GP6: variants seen among roughly 807,000 people sequenced by gnomAD.
GP6 encodes the protein glycoprotein VI platelet.
Under a neutral mutation model 37.3 loss-of-function variants are expected in GP6, and 45 were observed. That is an observed-to-expected ratio of 1.21 (90% CI 0.95 to 1.55). The LOEUF (loss-of-function observed/expected upper bound fraction) is 1.55, where lower values mean the gene tolerates loss of function less well. Among genes scored for constraint, GP6 ranks in the 40% most tolerant of loss-of-function variants. GP6 has a pLI of 0.00. For synonymous variants in GP6, 340 were observed against 316.4 expected (o/e 1.07, Z -0.79); for missense variants, 813 against 760.2 (o/e 1.07, Z -0.82).
In GP6 at chr19:55,027,801, G is replaced by A; in HGVS notation, c.387C>T (p.Asp129=). The change falls in exon 4 of 8, where the codon GAC becomes GAT. Residue 129 remains aspartate (D), a synonymous_variant. Transcript: ENST00000310373. ...ACCGAGTCTGACACTGTAGGGTTAC[G>A]TCCCCTCCTGACGACACCGCCGGGC... 1 of 1,613,958 alleles carries A rather than the reference G, an allele frequency of 6.2e-7. No individual in the cohort carries two copies. The highest frequency in any genetic ancestry group is 8.5e-7 in the Non-Finnish European group (1 of 1,179,820).
intron 1 of GP6, among the ~76,000 whole-genome samples, chr19:55,037,915 C>T (rs1240704628): frequency 6.6e-6 from 1 of 152,058 alleles, no homozygotes; most frequent in Non-Finnish European, 1.5e-5. Flanking sequence ...GCCACTGTGC[C>T]TGGCCCACAT....
In GP6 at chr19:55,016,639, G is replaced by A. The variant is rs189441290; in HGVS notation, c.725-906C>T. ...TCCGCCCGCCTAGGCCTCCCAAAGT[G>A]CTGGGATTACAGGCGTGAGCCACTG... On this transcript the variant is annotated intron_variant, in intron 6 of 7. Coordinates refer to ENST00000310373, the MANE Select transcript of GP6 (RefSeq NM_001083899.2). Among the ~76,000 whole-genome samples the A allele has an allele frequency of 5.9e-5, 9 of 152,076 alleles. No homozygotes were observed. The East Asian group carries it at 1.8e-3, about 30-fold the overall frequency.
intron 5 of GP6, among the ~76,000 whole-genome samples, chr19:55,024,358 A>ACCTG (rs1568613604): frequency 1.3e-5 from 1 of 76,292 alleles, no homozygotes; most frequent in African/African-American, 5.1e-5. Context: ...GCACGCACAC[A>ACCTG]CACATATGCA....
intron 1 of GP6, among the ~76,000 whole-genome samples, chr19:55,037,783 C>A (rs945198352): frequency 6.6e-6 from 1 of 151,610 alleles, no homozygotes; most frequent in African/African-American, 2.4e-5. Context: ...AAGCACCCGC[C>A]ATCACGCCCG....
At chr19:55,018,582 T>A (rs1381038722) in intron 6 of GP6, 70 bp downstream of exon 6, 1 of 903,472 alleles carries the variant, frequency 1.1e-6, no homozygotes, top group African/African-American at 1.6e-5. Flanking sequence ...GCCTACAGGC[T>A]TAGATAATGG....
chr19:55,016,590 G>C (rs2073885146), intron 6 of GP6, among the ~76,000 whole-genome samples: 1 of 151,780 alleles, frequency 6.6e-6, no homozygotes, highest in African/African-American at 2.4e-5. Context: ...TGGCCAGGTT[G>C]GTTTTGAACT....
At chr19:55,037,094 C>G (rs2074859423) in intron 1 of GP6, among the ~76,000 whole-genome samples, 2 of 152,168 alleles carry the variant, frequency 1.3e-5, no homozygotes, top group African/African-American at 4.8e-5. Context: ...ACAGTTAACC[C>G]TCTCATCTCC....
rs754590544 is a variant in GP6 at position 55,014,975 on chromosome 19, G to T, written c.970C>A (p.Arg324=). The T allele has an allele frequency of 2.0e-5, 33 of 1,612,700 alleles. No individual in the cohort carries two copies. Among genetic ancestry groups the T allele is most frequent in the Non-Finnish European group, 2.8e-5 (33 of 1,179,288 alleles). The change falls in exon 8 of 8, where the codon CGG becomes AGG. Residue 324 remains arginine (R), a synonymous_variant. Transcript: ENST00000310373. ...CCTGTCGGCCTCCATCCTGACCCCC[G>T]TTTGATTTCCGGGTCAGCGGGAGGG...
At chr19:55,016,834 T>C (rs1386445839) in intron 6 of GP6, among the ~76,000 whole-genome samples, 4 of 151,604 alleles carry the variant, frequency 2.6e-5, no homozygotes, top group African/African-American at 9.7e-5. Context: ...GGTGGGCGGA[T>C]CACCTGAGGT....
intron 7 of GP6, among the ~76,000 whole-genome samples, chr19:55,015,417 C>T (rs746917018): frequency 6.6e-6 from 1 of 152,182 alleles, no homozygotes; most frequent in Non-Finnish European, 1.5e-5. Flanking sequence ...GATGCTGCCT[C>T]GTTATCTGAT....
chr19:55,035,277 G>A (rs1450509510), intron 1 of GP6, among the ~76,000 whole-genome samples: 7 of 152,124 alleles, frequency 4.6e-5, no homozygotes, highest in Non-Finnish European at 7.4e-5. Flanking sequence ...TTACCGGGGC[G>A]GTGGGGTAAG....
Position 55,027,746 on chromosome 19 carries a change from C to A in GP6, c.442G>T (p.Glu148Ter). The A allele has an allele frequency of 6.2e-7, 1 of 1,613,976 alleles. No homozygotes were observed. The highest frequency in any genetic ancestry group is 1.3e-5 in the African/African-American group (1 of 75,058). Residue 148 changes from glutamate to a stop codon, truncating the protein, a stop_gained, in exon 4 of 8, where the codon GAA becomes TAA. Transcript: ENST00000310373. LOFTEE classifies it high-confidence loss of function. ...TTCTTGTAGGGCGCAGGGTCCCCTT[C>A]CTTGTACAGAGCAAATTGGTCAAAG...
intron 1 of GP6, chr19:55,032,816 G>C (rs2074617022): frequency 3.3e-6 from 2 of 599,218 alleles, no homozygotes. Flanking sequence ...AGGAGGGCAA[G>C]GCATGGTGGC....
At chr19:55,030,251 C>A (rs570350535) in intron 3 of GP6, among the ~76,000 whole-genome samples, 4 of 152,256 alleles carry the variant, frequency 2.6e-5, no homozygotes, top group Non-Finnish European at 4.4e-5. Flanking sequence ...TAGGGAGGAC[C>A]ACTTGAGCCC....
At chr19:55,023,266 A>C (rs1454392524) in intron 5 of GP6, among the ~76,000 whole-genome samples, 2 of 152,230 alleles carry the variant, frequency 1.3e-5, no homozygotes, top group Non-Finnish European at 2.9e-5. Context: ...AGGATTCCCT[A>C]TTTAATACAC....
At chr19:55,035,334 A>T (rs1193244306) in intron 1 of GP6, among the ~76,000 whole-genome samples, 1 of 152,144 alleles carries the variant, frequency 6.6e-6, no homozygotes, top group East Asian at 1.9e-4. Flanking sequence ...GTTGGACAAG[A>T]GGAGTATGTC....
chr19:55,025,789 G>A (rs1453161755), intron 4 of GP6, among the ~76,000 whole-genome samples: 1 of 152,142 alleles, frequency 6.6e-6, no homozygotes, highest in African/African-American at 2.4e-5. Context: ...ATCACCTGAG[G>A]TCAAGAGTTC....
chr19:55,025,363 G>A (rs1225231994), intron 4 of GP6, 92 bp from the exon 5 acceptor site: 7 of 823,744 alleles, frequency 8.5e-6, no homozygotes, highest in South Asian at 1.4e-5. Context: ...TTTCCTCACC[G>A]GAAAAATGAG....
At chr19:55,025,400 G>A in intron 4 of GP6, 129 bp from the exon 5 acceptor site, 1 of 719,006 alleles carries the variant, frequency 1.4e-6, no homozygotes, top group Non-Finnish European at 2.6e-6. Flanking sequence ...TCACTGGACT[G>A]TTGTGGATGT....
Sources: gnomAD v4.1 joint callset for allele counts (sites outside exome capture counted in the v4.1 genomes callset) on GRCh38, gnomAD v4.1.1 for gene constraint, MANE v1.5 for transcripts, NCBI Gene and HGNC (gene_info 2026-07-23, HGNC 2026-07-21) for gene names.